The following CSMD1 variants were observed in gnomAD, a reference collection of about 807,000 sequenced individuals.
The protein encoded by CSMD1 is CUB and Sushi multiple domains 1, also known as CUB and sushi domain-containing protein 1.
CSMD1 carries 213 observed loss-of-function variants against 417.5 expected under a neutral mutation model. The ratio of observed to expected loss-of-function variants is 0.51; its 90% CI spans 0.46 to 0.57. The LOEUF (loss-of-function observed/expected upper bound fraction) is 0.57. Ranked by LOEUF, CSMD1 falls within the 20% of genes least tolerant of loss-of-function variation. The pLI is 0.00. For missense variants in CSMD1, 6,923 were observed against 4,529.7 expected, an observed-to-expected ratio of 1.53 and a Z score of -15.17; for synonymous variants, 2,862 against 1,736.8, an observed-to-expected ratio of 1.65 and a Z score of -16.11.
At chr8:4,034,391 T>A (rs1427903974) in intron 3 of CSMD1, among the ~76,000 whole-genome samples, 1 of 152,222 alleles carries the variant, frequency 6.6e-6, no homozygotes, top group African/African-American at 2.4e-5. Context: ...GAAATCTGTT[T>A]GAAAACACAA....
intron 7 of CSMD1, among the ~76,000 whole-genome samples, chr8:3,626,586 T>G (rs967677643): frequency 1.2e-4 from 18 of 151,578 alleles, no homozygotes; most frequent in Non-Finnish European, 2.2e-4. Flanking sequence ...TTCCCTAGAT[T>G]TAGAAAACCA....
chr8:3,483,226 C>A (rs1045432189), intron 11 of CSMD1, among the ~76,000 whole-genome samples: 2 of 151,702 alleles, frequency 1.3e-5, no homozygotes, highest in African/African-American at 4.8e-5. Flanking sequence ...AGAACACTTG[C>A]AGAAAGTCAG....
At chr8:4,772,900 G>T (rs1053728467) in intron 1 of CSMD1, among the ~76,000 whole-genome samples, 5 of 152,098 alleles carry the variant, frequency 3.3e-5, no homozygotes, top group Non-Finnish European at 5.9e-5. Context: ...GATGAATAAC[G>T]TAAGAAATTG....
At chr8:4,370,212 G>C (rs1054347915) in intron 3 of CSMD1, among the ~76,000 whole-genome samples, 3 of 151,886 alleles carry the variant, frequency 2.0e-5, no homozygotes, top group African/African-American at 7.3e-5. Flanking sequence ...AGGTTAGTTT[G>C]GTGAGATACG....
chr8:3,726,918 C>A (rs1219233134), intron 6 of CSMD1, among the ~76,000 whole-genome samples: 1 of 152,200 alleles, frequency 6.6e-6, no homozygotes, highest in Admixed American at 6.5e-5. Flanking sequence ...TAGCATCATA[C>A]ACAGATAACC....
At chr8:4,202,240 T>C (rs1263232477) in intron 3 of CSMD1, among the ~76,000 whole-genome samples, 3 of 152,202 alleles carry the variant, frequency 2.0e-5, no homozygotes, top group Admixed American at 6.5e-5. Context: ...TTATGCCTTA[T>C]CTTCACAATT....
chr8:4,106,338 A>T (rs994372684), intron 3 of CSMD1, among the ~76,000 whole-genome samples: 1 of 152,204 alleles, frequency 6.6e-6, no homozygotes, highest in African/African-American at 2.4e-5. Flanking sequence ...TATCCACAAT[A>T]CCTATATTTT....
intron 3 of CSMD1, among the ~76,000 whole-genome samples, chr8:4,324,357 A>C (rs1799433469): frequency 6.6e-6 from 1 of 152,182 alleles, no homozygotes; most frequent in Non-Finnish European, 1.5e-5. Context: ...AGTAGCAGCC[A>C]TTCCATGGAT....
chr8:4,604,076 T>C (rs1800738746), intron 2 of CSMD1, among the ~76,000 whole-genome samples: 1 of 152,176 alleles, frequency 6.6e-6, no homozygotes, highest in East Asian at 1.9e-4. Context: ...ATCAACTTAG[T>C]TGTTATCATA....
At chr8:4,693,198 G>A (rs540531162) in intron 1 of CSMD1, among the ~76,000 whole-genome samples, 1 of 152,316 alleles carries the variant, frequency 6.6e-6, no homozygotes, top group South Asian at 2.1e-4. Context: ...AATGAAATGT[G>A]AGACACCATG....
chr8:3,367,277 G>T, intron 19 of CSMD1, 30 bp from the exon 20 acceptor site: 1 of 1,493,018 alleles, frequency 6.7e-7, no homozygotes, highest in African/African-American at 1.4e-5. Context: ...GAGAGAGAGA[G>T]AGACAGAGAG....
intron 3 of CSMD1, among the ~76,000 whole-genome samples, chr8:4,109,907 A>T (rs1313694947): frequency 6.6e-6 from 1 of 152,142 alleles, no homozygotes; most frequent in Non-Finnish European, 1.5e-5. Flanking sequence ...TTTTCCAGGC[A>T]ATTTGGGCAC....
chr8:4,611,590 C>A (rs537393609), intron 2 of CSMD1, among the ~76,000 whole-genome samples: 8 of 152,128 alleles, frequency 5.3e-5, no homozygotes, highest in African/African-American at 1.9e-4. Flanking sequence ...CCTCACCTCA[C>A]CAGAAGATGA....
intron 2 of CSMD1, among the ~76,000 whole-genome samples, chr8:4,420,668 G>C (rs1797199620): frequency 1.3e-5 from 2 of 152,094 alleles, no homozygotes; most frequent in African/African-American, 4.8e-5. Flanking sequence ...ATTCCAAGCT[G>C]TGCTCTTAGG....
chr8:4,022,388 G>C (rs966892512), intron 4 of CSMD1, among the ~76,000 whole-genome samples: 2 of 151,974 alleles, frequency 1.3e-5, no homozygotes, highest in Non-Finnish European at 2.9e-5. Flanking sequence ...TAAAAATTAT[G>C]GGAGGACATA....
intron 5 of CSMD1, among the ~76,000 whole-genome samples, chr8:3,845,222 T>C (rs899010511): frequency 1.3e-5 from 2 of 152,202 alleles, no homozygotes; most frequent in African/African-American, 4.8e-5. Flanking sequence ...CTCCTAACAA[T>C]GGAGATACAT....
intron 7 of CSMD1, among the ~76,000 whole-genome samples, chr8:3,679,899 C>T (rs1166250377): frequency 6.6e-6 from 1 of 152,126 alleles, no homozygotes; most frequent in Non-Finnish European, 1.5e-5. Context: ...AACCACACAA[C>T]TACTTGGAAA....
chr8:3,120,384 C>T (rs940610546), intron 41 of CSMD1, among the ~76,000 whole-genome samples: 2 of 152,150 alleles, frequency 1.3e-5, no homozygotes, highest in Middle Eastern at 3.2e-3. Flanking sequence ...AATATGTGGG[C>T]CTACAGCGTG....
intron 1 of CSMD1, among the ~76,000 whole-genome samples, chr8:4,690,811 C>G (rs1806719082): frequency 6.6e-6 from 1 of 152,142 alleles, no homozygotes; most frequent in Non-Finnish European, 1.5e-5. Context: ...TCACTGCAAC[C>G]TCTTCCTGCC....
Sources: allele counts gnomAD v4.1 joint callset (sites outside exome capture counted in the v4.1 genomes callset), GRCh38; gene constraint gnomAD v4.1.1; transcripts MANE v1.5; gene names NCBI Gene and HGNC (gene_info 2026-07-23, HGNC 2026-07-21).